The following KIF6 variants were observed in gnomAD, a reference collection of about 807,000 sequenced individuals.
KIF6 encodes the protein kinesin-like protein KIF6.
A neutral mutation model predicts 112.7 loss-of-function variants in KIF6; 106 were observed. The ratio of observed to expected loss-of-function variants is 0.94; its 90% CI spans 0.80 to 1.11. The LOEUF is 1.11. Ranked by LOEUF, KIF6 falls within the 50% of genes least tolerant of loss-of-function variation. The pLI, the probability that KIF6 is intolerant of heterozygous loss-of-function variation, is 0.00. For missense variants in KIF6, 929 were observed against 964.0 expected, an observed-to-expected ratio of 0.96 and a Z score of 0.48; for synonymous variants, 339 against 339.9, an observed-to-expected ratio of 1.00 and a Z score of 0.03.
chr6:39,611,647 T>C (rs138911881), intron 6 of KIF6, among the ~76,000 whole-genome samples: 374 of 152,340 alleles, frequency 2.5e-3, no homozygotes, highest in African/African-American at 7.9e-3. Flanking sequence ...TTGTTTTCCT[T>C]ATAGAAGTTT....
rs151007790 is a variant in KIF6, at chr6:39,698,916, T to C, written c.251+15776A>G. On this transcript the variant is annotated intron_variant, in intron 3 of 22. Coordinates refer to ENST00000287152, the MANE Select transcript of KIF6 (RefSeq NM_145027.6). Reference sequence around the variant, plus strand: ...TACAAAAGCAGTAGCTGTAAACAATTTGAGGAATCAAGAATCTAATTTGCC... The same window carrying C: ...TACAAAAGCAGTAGCTGTAAACAATCTGAGGAATCAAGAATCTAATTTGCC... Among the ~76,000 whole-genome samples the C allele has an allele frequency of 2.8e-4, 43 of 152,302 alleles. 1 individual carries two copies. In the East Asian group the frequency reaches 6.2e-3, roughly 22 times the overall value.
intron 13 of KIF6, among the ~76,000 whole-genome samples, chr6:39,537,506 C>T (rs562129190): frequency 2.0e-5 from 3 of 151,884 alleles, no homozygotes; most frequent in Admixed American, 6.5e-5. Flanking sequence ...ATCCAACTTA[C>T]AAGGGATGTG....
At chr6:39,432,470 C>T (rs952447675) in intron 13 of KIF6, among the ~76,000 whole-genome samples, 4 of 152,244 alleles carry the variant, frequency 2.6e-5, no homozygotes, top group Non-Finnish European at 5.9e-5. Flanking sequence ...GGGTGAGTAA[C>T]TGGACTAGCC....
chr6:39,367,692 A>C (rs1261081390), intron 16 of KIF6, among the ~76,000 whole-genome samples: 1 of 152,184 alleles, frequency 6.6e-6, no homozygotes, highest in East Asian at 1.9e-4. Flanking sequence ...AGGCCAGTCA[A>C]GATGTGGACC....
intron 10 of KIF6, among the ~76,000 whole-genome samples, chr6:39,577,365 T>C (rs548694668): frequency 6.6e-6 from 1 of 152,362 alleles, no homozygotes; most frequent in African/African-American, 2.4e-5. Flanking sequence ...CCTATGTAGC[T>C]CTATTTCTCA....
chr6:39,723,540 T>TAC (rs1347508616), intron 1 of KIF6, among the ~76,000 whole-genome samples: 2 of 152,308 alleles, frequency 1.3e-5, no homozygotes, highest in East Asian at 1.9e-4. Flanking sequence ...TACATATATA[T>TAC]ACACCATGGA....
Position 39,665,676 on chromosome 6 carries a change from T to C in KIF6, c.252-25919A>G, listed in dbSNP as rs530913566. Among the ~76,000 whole-genome samples the C allele has an allele frequency of 3.3e-5, 5 of 152,290 alleles. 1 individual carries two copies. The South Asian group carries it at 1.0e-3, about 32-fold the overall frequency. The stretch of plus-strand genomic sequence containing the variant: ...AAGAGCTGGCCAACTTTCACGATCA[T>C]TAATTATATTTTGAAGTCTTACATC... On this transcript the variant is annotated intron_variant, in intron 3 of 22. Transcript: ENST00000287152.
intron 22 of KIF6, among the ~76,000 whole-genome samples, chr6:39,337,342 T>C (rs1309606812): frequency 6.7e-6 from 1 of 149,248 alleles, no homozygotes; most frequent in African/African-American, 2.5e-5. Flanking sequence ...GGACGGAGTC[T>C]TGCTCTGTTA....
At chr6:39,648,728 C>T (rs114094375) in intron 3 of KIF6, among the ~76,000 whole-genome samples, 1,961 of 152,268 alleles carry the variant, frequency 0.013, 40 homozygotes, top group African/African-American at 0.042. Flanking sequence ...GCAGTCCATG[C>T]GAATGCCGGT....
chr6:39,612,805 T>G (rs1051816050), intron 6 of KIF6, among the ~76,000 whole-genome samples: 3 of 152,194 alleles, frequency 2.0e-5, no homozygotes, highest in Non-Finnish European at 4.4e-5. Context: ...GACTGAGTAT[T>G]TTTAAATTTT....
At chr6:39,639,827 T>C in intron 3 of KIF6, 70 bp from the exon 4 acceptor site, 1 of 1,352,844 alleles carries the variant, frequency 7.4e-7, no homozygotes, top group African/African-American at 1.5e-5. Context: ...TGGCTTGTAT[T>C]CTAATAACAA....
intron 15 of KIF6, among the ~76,000 whole-genome samples, chr6:39,403,496 CTT>C (rs1768861857): frequency 6.6e-6 from 1 of 152,194 alleles, no homozygotes; most frequent in South Asian, 2.1e-4. Flanking sequence ...GCAGTCTGCT[CTT>C]TTTATTGCTG....
At chr6:39,586,940 C>T (rs116346755) in intron 7 of KIF6, among the ~76,000 whole-genome samples, 32 of 152,274 alleles carry the variant, frequency 2.1e-4, no homozygotes, top group African/African-American at 7.2e-4. Flanking sequence ...ATCTACCTCA[C>T]AGGTAGTTGA....
chr6:39,725,189 C>A, intron 1 of KIF6, 56 bp downstream of exon 1: 6 of 1,496,420 alleles, frequency 4.0e-6, no homozygotes, highest in Non-Finnish European at 4.6e-6. Context: ...TGCCGCCGCC[C>A]GACCCCAGCC....
chr6:39,449,616 T>C (rs573111497), intron 13 of KIF6, among the ~76,000 whole-genome samples: 41 of 152,292 alleles, frequency 2.7e-4, no homozygotes, highest in Middle Eastern at 6.8e-3. Context: ...TGAAACCACA[T>C]GTATGTATGT....
intron 15 of KIF6, among the ~76,000 whole-genome samples, chr6:39,412,103 T>C (rs2150353986): frequency 6.6e-6 from 1 of 152,318 alleles, no homozygotes; most frequent in South Asian, 2.1e-4. Flanking sequence ...ACCAAATCAT[T>C]GCTTCCTTCT....
chr6:39,570,185 C>T (rs749043042), intron 10 of KIF6, among the ~76,000 whole-genome samples: 1 of 151,992 alleles, frequency 6.6e-6, no homozygotes, highest in African/African-American at 2.4e-5. Flanking sequence ...TGCCCCAAAC[C>T]GATTGGACTT....
At chr6:39,706,063 G>C (rs904162840) in intron 3 of KIF6, among the ~76,000 whole-genome samples, 1 of 152,108 alleles carries the variant, frequency 6.6e-6, no homozygotes, top group Non-Finnish European at 1.5e-5. Context: ...TTTAATCCAA[G>C]TAACGCTTTT....
In KIF6 at chr6:39,634,846, C is replaced by G. The variant is rs775611457; in HGVS notation, c.509+3G>C. 3.9e-6 allele frequency: 6 copies of G among 1,551,204 alleles called. No individual in the cohort carries two copies. In the South Asian group the frequency reaches 6.7e-5, roughly 17 times the overall value. ...CTCCATTCTTTGTTGTTCTGCTACTCACGGCAAATCTTCCAAACTGGAGGC... is the reference window on the plus strand; with the variant it reads ...CTCCATTCTTTGTTGTTCTGCTACTGACGGCAAATCTTCCAAACTGGAGGC... On this transcript the variant is annotated splice_donor_region_variant and intron_variant, in intron 5 of 22. Transcript: ENST00000287152.
Sources: gnomAD v4.1 joint callset for allele counts (sites outside exome capture counted in the v4.1 genomes callset) on GRCh38, gnomAD v4.1.1 for gene constraint, MANE v1.5 for transcripts, NCBI Gene and HGNC (gene_info 2026-07-23, HGNC 2026-07-21) for gene names.